The following USP3 variants were observed in gnomAD, a reference collection of about 807,000 sequenced individuals.
USP3 encodes the protein ubiquitin carboxyl-terminal hydrolase 3.
USP3 carries 20 observed loss-of-function variants against 72.3 expected under a neutral mutation model. That is an observed-to-expected ratio of 0.28 (90% CI 0.19 to 0.40). The LOEUF (loss-of-function observed/expected upper bound fraction) is 0.40. USP3 is among the 10% of genes least tolerant of loss of function. The pLI, the probability that USP3 is intolerant of heterozygous loss-of-function variation, is 1.00. For synonymous variants in USP3, 222 were observed against 225.3 expected (o/e 0.99, Z 0.13); for missense variants, 479 against 633.9 (o/e 0.76, Z 2.62).
chr15:63,589,979 A>G (rs1392928389), intron 14 of USP3, among the ~76,000 whole-genome samples: 2 of 149,796 alleles, frequency 1.3e-5, no homozygotes, highest in South Asian at 2.1e-4. Flanking sequence ...AACTATTAGC[A>G]CTAATTTAAA....
intron 11 of USP3, among the ~76,000 whole-genome samples, chr15:63,585,956 C>T (rs180756412): frequency 1.3e-5 from 2 of 152,282 alleles, no homozygotes; most frequent in East Asian, 3.9e-4. Context: ...TGCACTGAAT[C>T]TATAGATGAA....
At position 63,520,430 on chromosome 15, in the gene USP3, G is replaced by T. The variant is rs531965762; in HGVS notation, c.92-12217G>T. On this transcript the variant is annotated intron_variant, in intron 1 of 14. Transcript: ENST00000380324. Reference sequence around the variant, plus strand: ...TTCAAATTTGTTTACAGTTCTTTTTGTCTGTATACTGAAAACATAAAAAGT... The same window carrying T: ...TTCAAATTTGTTTACAGTTCTTTTTTTCTGTATACTGAAAACATAAAAAGT... 1.8e-4 allele frequency among the ~76,000 whole-genome samples: 28 copies of T among 151,466 alleles called. No individual in the cohort carries two copies. In the East Asian group the frequency reaches 5.4e-3, roughly 29 times the overall value.
chr15:63,564,624 G>A (rs1375938800), intron 8 of USP3, among the ~76,000 whole-genome samples: 1 of 152,202 alleles, frequency 6.6e-6, no homozygotes, highest in East Asian at 1.9e-4. Context: ...GTTTTTAGCT[G>A]TTTAATTTCC....
chr15:63,551,980 GAAAT>G (rs1210954207), intron 3 of USP3: 1 of 152,266 alleles, frequency 6.6e-6, no homozygotes, highest in South Asian at 2.1e-4. Context: ...ACCTTAATAA[GAAAT>G]AAATCAGTTA....
At position 63,578,073 on chromosome 15, in the gene USP3, G is replaced by A. The variant is rs185475623; in HGVS notation, c.1096+3670G>A. Among the ~76,000 whole-genome samples the A allele has an allele frequency of 2.6e-3, 400 of 152,064 alleles. 2 individuals are homozygous for A. Among genetic ancestry groups the A allele is most frequent in the African/African-American group, 9.2e-3 (380 of 41,444 alleles). On this transcript the variant is annotated intron_variant, in intron 11 of 14. Coordinates refer to ENST00000380324, the MANE Select transcript of USP3 (RefSeq NM_006537.4). ...GCAGATCACTTGAGGCTAGGAGTTC[G>A]AGACCAGCCCTGGCCAACATGGAGA...
intron 1 of USP3, among the ~76,000 whole-genome samples, chr15:63,521,977 TG>T (rs1357789176): frequency 6.6e-6 from 1 of 152,202 alleles, no homozygotes; most frequent in Non-Finnish European, 1.5e-5. Flanking sequence ...AATCTTGCTT[TG>T]TTGCCCAGGC....
intron 1 of USP3, among the ~76,000 whole-genome samples, chr15:63,531,602 GAGAA>G (rs1361671096): frequency 2.0e-5 from 3 of 152,144 alleles, no homozygotes; most frequent in African/African-American, 7.2e-5. Flanking sequence ...TTTTAACAGT[GAGAA>G]AGGCCTGTTG....
chr15:63,533,856 GA>G, intron 2 of USP3: 1 of 1,231,028 alleles, frequency 8.1e-7, no homozygotes, highest in African/African-American at 1.6e-5. Context: ...TAAAAAAGAA[GA>G]AAAGTAGAAG....
chr15:63,589,959 ATCTTTTT>A (rs2067158535), intron 14 of USP3, among the ~76,000 whole-genome samples: 1 of 121,408 alleles, frequency 8.2e-6, no homozygotes, highest in Non-Finnish European at 2.0e-5. Flanking sequence ...TGATTGCACT[ATCTTTTT>A]GAAACTATTA....
Position 63,588,724 on chromosome 15 carries a change from G to C in USP3, c.1238G>C (p.Arg413Thr). 6.2e-7 allele frequency: 1 copy of C among 1,613,816 alleles called. No individual in the cohort carries two copies. Among genetic ancestry groups the C allele is most frequent in the Non-Finnish European group, 8.5e-7 (1 of 1,179,752 alleles). The change falls in exon 13 of 15, where the codon AGA (arginine) becomes ACA (threonine). Residue 413 changes from arginine (R) to threonine (T), a missense_variant. Physicochemically the swap from Arg to Thr is moderately conservative, Grantham distance 71 (BLOSUM62 -1). Transcript: ENST00000380324. The surrounding 1 kb of genome is among the most constrained non-coding windows in gnomAD (Gnocchi z 4.6). Reference protein sequence around the residue: ...LPKVLCLHLKRFHWTAYLRNK... With the variant: ...LPKVLCLHLKTFHWTAYLRNK... ...CAGGTGCTATGCTTACATTTGAAAA[G>C]ATTTCATTGGACAGCATATTTAAGA...
chr15:63,514,080 G>T (rs991870995), intron 1 of USP3, among the ~76,000 whole-genome samples: 3 of 152,312 alleles, frequency 2.0e-5, no homozygotes, highest in African/African-American at 7.2e-5. Context: ...TGAAGGATCA[G>T]ACTTCACCTT....
At chr15:63,527,754 GTC>G (rs1187640304) in intron 1 of USP3, 2 of 152,246 alleles carry the variant, frequency 1.3e-5, no homozygotes, top group Non-Finnish European at 2.9e-5. Context: ...TTCTGCTCCG[GTC>G]TCTCTTGATA....
intron 3 of USP3, among the ~76,000 whole-genome samples, chr15:63,538,617 C>T (rs925177496): frequency 6.6e-6 from 1 of 151,212 alleles, no homozygotes; most frequent in Non-Finnish European, 1.5e-5. Flanking sequence ...CCGATCTCCG[C>T]TCACTGCAAG....
intron 1 of USP3, among the ~76,000 whole-genome samples, chr15:63,511,847 A>G (rs578066404): frequency 6.6e-6 from 1 of 152,182 alleles, no homozygotes; most frequent in African/African-American, 2.4e-5. Context: ...GCTTTTAGTC[A>G]GTATACTTTG....
intron 8 of USP3, among the ~76,000 whole-genome samples, chr15:63,564,476 C>T (rs1567118304): frequency 6.6e-6 from 1 of 152,196 alleles, no homozygotes; most frequent in Non-Finnish European, 1.5e-5. Context: ...CCTTGATCCC[C>T]ATGGTGACCA....
intron 1 of USP3, among the ~76,000 whole-genome samples, chr15:63,511,107 T>A (rs1227032993): frequency 1.3e-5 from 2 of 151,994 alleles, no homozygotes; most frequent in Non-Finnish European, 2.9e-5. Flanking sequence ...CATTTAATCC[T>A]GACTAATTTA....
chr15:63,537,811 AAGT>A (rs1407305547), intron 3 of USP3, among the ~76,000 whole-genome samples: 2 of 151,834 alleles, frequency 1.3e-5, no homozygotes, highest in Non-Finnish European at 2.9e-5. Context: ...TCAGCCTCCC[AAGT>A]AGCTGGGATT....
intron 6 of USP3, 113 bp from the exon 7 acceptor site, chr15:63,559,744 A>T: frequency 1.2e-6 from 1 of 840,596 alleles, no homozygotes; most frequent in Non-Finnish European, 1.8e-6. Context: ...AGTACAGTTT[A>T]AATGAGACAA....
At chr15:63,550,039 C>G (rs2066414301) in intron 3 of USP3, among the ~76,000 whole-genome samples, 1 of 152,214 alleles carries the variant, frequency 6.6e-6, no homozygotes, top group Admixed American at 6.5e-5. Context: ...GAGACGTAGT[C>G]TAGCTCTTTT....
Sources: gnomAD v4.1 joint callset for allele counts (sites outside exome capture counted in the v4.1 genomes callset) on GRCh38, gnomAD v4.1.1 for gene constraint, Gnocchi (gnomAD v3.1) non-coding constraint, MANE v1.5 for transcripts, NCBI Gene and HGNC (gene_info 2026-07-23, HGNC 2026-07-21) for gene names.